The following GPR158 variants were observed in gnomAD, a reference collection of about 807,000 sequenced individuals.
GPR158 encodes the protein G protein-coupled receptor 158, also known as metabotropic glycine receptor.
GPR158 carries 30 observed loss-of-function variants against 78.2 expected under a neutral mutation model. The ratio of observed to expected loss-of-function variants is 0.38; its 90% CI spans 0.29 to 0.52. The LOEUF is 0.52. GPR158 is among the 20% of genes least tolerant of loss of function. The probability of loss-of-function intolerance (pLI) is 0.83; values close to 1 mark genes in which losing one functional copy is unlikely to be tolerated. For missense variants in GPR158, 1,463 were observed against 1,523.5 expected, an observed-to-expected ratio of 0.96 and a Z score of 0.66; for synonymous variants, 581 against 591.1, an observed-to-expected ratio of 0.98 and a Z score of 0.25.
intron 5 of GPR158, among the ~76,000 whole-genome samples, chr10:25,520,413 GTGAGGA>G (rs1194981467): frequency 1.3e-5 from 2 of 149,998 alleles, no homozygotes; most frequent in African/African-American, 5.0e-5. Flanking sequence ...TCTGTTGCTG[GTGAGGA>G]ACTGCGTTCC....
chr10:25,524,991 C>T (rs191611120), intron 5 of GPR158, among the ~76,000 whole-genome samples: 1 of 152,242 alleles, frequency 6.6e-6, no homozygotes, highest in East Asian at 1.9e-4. Flanking sequence ...AGAATATATA[C>T]AGATAGCCAA....
intron 5 of GPR158, among the ~76,000 whole-genome samples, chr10:25,467,002 A>G (rs371300140): frequency 6.6e-6 from 1 of 152,322 alleles, no homozygotes; most frequent in South Asian, 2.1e-4. Flanking sequence ...GGCCCCTGAC[A>G]CAGCCCTCAG....
At chr10:25,381,679 G>A (rs1834157046) in intron 2 of GPR158, among the ~76,000 whole-genome samples, 1 of 152,196 alleles carries the variant, frequency 6.6e-6, no homozygotes, top group Non-Finnish European at 1.5e-5. Flanking sequence ...AAAGGCAGTT[G>A]AAGGAGTTTC....
At chr10:25,228,757 C>T (rs539497235) in intron 2 of GPR158, among the ~76,000 whole-genome samples, 4 of 152,124 alleles carry the variant, frequency 2.6e-5, no homozygotes, top group South Asian at 2.1e-4. Flanking sequence ...GTAGGCCGGG[C>T]GTGGTGGCTC....
rs1279754790 is a variant in GPR158 at position 25,295,066 on chromosome 10, A to G, written c.1008+73909A>G. Among the ~76,000 whole-genome samples, 3 of 152,154 alleles carry G rather than the reference A, an allele frequency of 2.0e-5. No individual in the cohort carries two copies. The East Asian group carries it at 5.8e-4, about 29-fold the overall frequency. On this transcript the variant is annotated intron_variant, in intron 2 of 10. Transcript: ENST00000376351. Reference sequence around the variant, plus strand: ...ATTTTCTTTACCTAGCCCTTTCTCAATCTGTCCCTTTCCCTAGTCTGCCCC... The same window carrying G: ...ATTTTCTTTACCTAGCCCTTTCTCAGTCTGTCCCTTTCCCTAGTCTGCCCC...
rs1012555404 is a variant in GPR158, at chr10:25,481,114, A to G, written c.1404+14395A>G. 2.0e-5 allele frequency among the ~76,000 whole-genome samples: 3 copies of G among 152,156 alleles called. No homozygotes were observed. The East Asian group carries it at 5.8e-4, about 29-fold the overall frequency. ...TTCATGAGTGATTAGGGGTACAAGA[A>G]GAGCTGAGGGAAAGGTCACAGGGAT... On this transcript the variant is annotated intron_variant, in intron 5 of 10. Transcript: ENST00000376351.
chr10:25,264,481 T>A (rs1257124186), intron 2 of GPR158, among the ~76,000 whole-genome samples: 2 of 152,154 alleles, frequency 1.3e-5, no homozygotes, highest in African/African-American at 4.8e-5. Context: ...TTTGGGTGTC[T>A]GGATCAGTCA....
At chr10:25,475,013 G>A (rs1835563638) in intron 5 of GPR158, among the ~76,000 whole-genome samples, 1 of 152,110 alleles carries the variant, frequency 6.6e-6, no homozygotes, top group Non-Finnish European at 1.5e-5. Flanking sequence ...AATGAGCATA[G>A]TCCTATAATC....
At chr10:25,515,385 A>G (rs972328935) in intron 5 of GPR158, among the ~76,000 whole-genome samples, 4 of 145,736 alleles carry the variant, frequency 2.7e-5, no homozygotes, top group African/African-American at 1.0e-4. Context: ...TTTTTTTTTT[A>G]TACTTTAAGT....
At chr10:25,512,909 G>T (rs1836103764) in intron 5 of GPR158, among the ~76,000 whole-genome samples, 1 of 152,032 alleles carries the variant, frequency 6.6e-6, no homozygotes, top group South Asian at 2.1e-4. Context: ...TTGTCTTTTT[G>T]ATATACTGTT....
At chr10:25,201,170 T>C (rs1852923204) in intron 1 of GPR158, among the ~76,000 whole-genome samples, 1 of 152,166 alleles carries the variant, frequency 6.6e-6, no homozygotes. Flanking sequence ...GTGTCATCTC[T>C]GATTTATTTG....
chr10:25,465,840 G>C (rs192497375), intron 4 of GPR158, among the ~76,000 whole-genome samples: 2 of 152,164 alleles, frequency 1.3e-5, no homozygotes, highest in African/African-American at 4.8e-5. Flanking sequence ...GCAAGATCTC[G>C]TTTGTAAATT....
At chr10:25,484,487 G>A (rs184043673) in intron 5 of GPR158, among the ~76,000 whole-genome samples, 1 of 152,164 alleles carries the variant, frequency 6.6e-6, no homozygotes, top group South Asian at 2.1e-4. Context: ...GACACAATTT[G>A]GCAGTAGACT....
intron 2 of GPR158, among the ~76,000 whole-genome samples, chr10:25,271,921 T>A (rs886436797): frequency 6.6e-6 from 1 of 152,182 alleles, no homozygotes; most frequent in African/African-American, 2.4e-5. Context: ...ATTACAGGCA[T>A]AAGCCACTGC....
chr10:25,219,691 G>T (rs1051692325), intron 1 of GPR158, among the ~76,000 whole-genome samples: 1 of 152,132 alleles, frequency 6.6e-6, no homozygotes, highest in African/African-American at 2.4e-5. Flanking sequence ...AACAGAGGCA[G>T]ACTGAAAAAA....
At chr10:25,365,596 C>T (rs764502810) in intron 2 of GPR158, among the ~76,000 whole-genome samples, 4 of 151,546 alleles carry the variant, frequency 2.6e-5, no homozygotes, top group Non-Finnish European at 5.9e-5. Context: ...TTACATAGAT[C>T]CTATATCTAT....
intron 2 of GPR158, among the ~76,000 whole-genome samples, chr10:25,309,721 C>G (rs1170943065): frequency 6.6e-6 from 1 of 152,008 alleles, no homozygotes; most frequent in African/African-American, 2.4e-5. Context: ...CTGTGCTTCT[C>G]AGGATAGTGA....
At position 25,592,901 on chromosome 10, in the gene GPR158, T is replaced by C. The variant is rs575687977; in HGVS notation, c.1893-1391T>C. 1.6e-3 allele frequency among the ~76,000 whole-genome samples: 127 copies of C among 80,364 alleles called. 1 individual carries two copies. Among genetic ancestry groups the C allele is most frequent in the African/African-American group, 6.8e-3 (112 of 16,566 alleles). The allele number at this position is 80,364 out of a possible 152,430, so 52.7% of individuals were successfully genotyped here. A position where few individuals can be genotyped will look rare whatever the true frequency, so the allele number is the denominator to read the frequency against. On this transcript the variant is annotated intron_variant, in intron 8 of 10. Coordinates refer to ENST00000376351, the MANE Select transcript of GPR158 (RefSeq NM_020752.3). ...ACTGAGTGTAATGATCCTATTTCAA[T>C]GCAAAAAAAAAAAAAAAAAAAGCCT...
At chr10:25,472,698 C>T (rs903443766) in intron 5 of GPR158, among the ~76,000 whole-genome samples, 2 of 152,062 alleles carry the variant, frequency 1.3e-5, no homozygotes, top group Non-Finnish European at 2.9e-5. Context: ...AAGTTGGATT[C>T]CTAGGTATTT....
Sources: gnomAD v4.1 joint callset for allele counts (sites outside exome capture counted in the v4.1 genomes callset) on GRCh38, gnomAD v4.1.1 for gene constraint, MANE v1.5 for transcripts, NCBI Gene and HGNC (gene_info 2026-07-23, HGNC 2026-07-21) for gene names.